IL1R2: variants seen among roughly 807,000 people sequenced by gnomAD.
IL1R2 encodes the protein interleukin-1 receptor type 2.
IL1R2 carries 46 observed loss-of-function variants against 39.5 expected under a neutral mutation model. The observed-to-expected ratio is 1.16, with a 90% CI of 0.92 to 1.49. The LOEUF is 1.49. Ranked by LOEUF, IL1R2 falls within the 40% of genes most tolerant of loss-of-function variation. The pLI, the probability that IL1R2 is intolerant of heterozygous loss-of-function variation, is 0.00. For synonymous variants in IL1R2, 207 were observed against 189.6 expected (o/e 1.09, Z -0.75); for missense variants, 537 against 502.0 (o/e 1.07, Z -0.67).
chr2:102,006,872 TC>T (rs1676298498), intron 1 of IL1R2, among the ~76,000 whole-genome samples: 1 of 152,210 alleles, frequency 6.6e-6, no homozygotes, highest in African/African-American at 2.4e-5. Context: ...GTGAGTTAGT[TC>T]CCAGTGTGGC....
intron 2 of IL1R2, among the ~76,000 whole-genome samples, chr2:102,009,077 GA>G (rs1230286416): frequency 1.3e-5 from 2 of 151,890 alleles, no homozygotes; most frequent in Non-Finnish European, 2.9e-5. Flanking sequence ...AAAAGAAAAG[GA>G]AAGAATGGTG....
chr2:101,992,087 A>G (rs190239615), intron 1 of IL1R2, 76 bp downstream of exon 1: 19 of 140,426 alleles, frequency 1.4e-4, no homozygotes, highest in East Asian at 2.2e-4. Flanking sequence ...GAGAGAGAGA[A>G]AGAGAGAGAG....
At chr2:102,007,394 G>A (rs374094381) in intron 1 of IL1R2, among the ~76,000 whole-genome samples, 21 of 152,298 alleles carry the variant, frequency 1.4e-4, no homozygotes, top group South Asian at 6.2e-4. Flanking sequence ...GAGTTAATCC[G>A]TAGGGGATAT....
chr2:102,016,924 C>T (rs1057498279), intron 4 of IL1R2, among the ~76,000 whole-genome samples: 3 of 152,042 alleles, frequency 2.0e-5, no homozygotes, highest in Non-Finnish European at 2.9e-5. Flanking sequence ...TTAAAAGGGC[C>T]GTAATTAATA....
Position 102,024,962 on chromosome 2 carries a change from G to A in IL1R2, c.887+294G>A. 2 of 352,024 alleles carry A rather than the reference G, an allele frequency of 5.7e-6. 1 individual carries two copies. Among genetic ancestry groups the A allele is most frequent in the South Asian group, 6.1e-5 (2 of 32,950 alleles). The allele number at this position is 352,024 out of a possible 1,614,324, so 21.8% of individuals were successfully genotyped here. Reference sequence around the variant, plus strand: ...TTTTCGCAAGTTAAAAAATATTTTGGAGTTCATATCTTTCCATTTTCCACT... The same window carrying A: ...TTTTCGCAAGTTAAAAAATATTTTGAAGTTCATATCTTTCCATTTTCCACT... On this transcript the variant is annotated intron_variant, in intron 7 of 8. Coordinates refer to ENST00000332549, the MANE Select transcript of IL1R2 (RefSeq NM_004633.4).
rs55723899 is a variant in IL1R2, at chr2:101,996,505, T to TTTTG, written c.-62+4494_-62+4495insTTTG. ...TCAGTGTTTTTTTTTTTTTTTTTTT[T>TTTTG]GGGGGGGAGAATGGCTGACTTCTTG... On this transcript the variant is annotated intron_variant, in intron 1 of 8. Transcript: ENST00000332549. Among the ~76,000 whole-genome samples the TTTTG allele has an allele frequency of 3.8e-3, 527 of 137,246 alleles. 3 individuals are homozygous for TTTTG. The highest frequency in any genetic ancestry group is 0.013 in the African/African-American group (465 of 34,702). 90.0% of individuals were successfully genotyped at this position (137,246 alleles called of 152,430 possible).
At chr2:102,003,735 C>T (rs1380324941) in intron 1 of IL1R2, among the ~76,000 whole-genome samples, 3 of 147,834 alleles carry the variant, frequency 2.0e-5, no homozygotes, top group Non-Finnish European at 4.5e-5. Context: ...CTGTCTGTGT[C>T]CCATGTCGGT....
chr2:102,000,790 G>A (rs1675819128), intron 1 of IL1R2, among the ~76,000 whole-genome samples: 1 of 152,166 alleles, frequency 6.6e-6, no homozygotes, highest in South Asian at 2.1e-4. Context: ...CCTTGGACAA[G>A]TGACTTAATG....
chr2:102,019,579 C>A, intron 4 of IL1R2, 59 bp from the exon 5 acceptor site: 1 of 1,173,104 alleles, frequency 8.5e-7, no homozygotes. Flanking sequence ...TGATGTAATT[C>A]ATAGCCTTTG....
At chr2:101,992,752 G>A (rs1218473971) in intron 1 of IL1R2, among the ~76,000 whole-genome samples, 4 of 152,170 alleles carry the variant, frequency 2.6e-5, no homozygotes, top group African/African-American at 7.2e-5. Context: ...CAGAGACAGA[G>A]AGAGAGAGAC....
intron 1 of IL1R2, among the ~76,000 whole-genome samples, 194 bp from the exon 2 acceptor site, chr2:102,008,321 C>A (rs1443186962): frequency 6.6e-6 from 1 of 152,172 alleles, no homozygotes; most frequent in East Asian, 1.9e-4. Context: ...TACAAGGATT[C>A]GACTTTAGAT....
At chr2:101,997,484 G>C (rs1032979789) in intron 1 of IL1R2, among the ~76,000 whole-genome samples, 3 of 152,174 alleles carry the variant, frequency 2.0e-5, no homozygotes, top group African/African-American at 7.2e-5. Context: ...TCAGGGCCTT[G>C]GGGAAGTGGT....
At position 102,012,537 on chromosome 2, in the gene IL1R2, CTGTG is replaced by C. The variant is rs140697767; in HGVS notation, c.332+2728_332+2731del. On this transcript the variant is annotated intron_variant, in intron 3 of 8. Transcript: ENST00000332549. ...GGAGATATGAGGTAGAGGGTGCCCTCTGTGTGTGTGTGTGTGTGTGCATGTGCGT... is the reference window on the plus strand; with the variant it reads ...GGAGATATGAGGTAGAGGGTGCCCTCTGTGTGTGTGTGTGTGCATGTGCGT... Among the ~76,000 whole-genome samples, 605 of 148,950 alleles carry C rather than the reference CTGTG, an allele frequency of 4.1e-3. 5 individuals are homozygous for C. The highest frequency in any genetic ancestry group is 0.014 in the African/African-American group (580 of 40,724).
chr2:102,003,200 G>C (rs1676023622), intron 1 of IL1R2, among the ~76,000 whole-genome samples: 1 of 147,472 alleles, frequency 6.8e-6, no homozygotes, highest in Non-Finnish European at 1.5e-5. Context: ...CTGTGTCTAT[G>C]TCTATGTCTA....
At chr2:102,004,576 G>T (rs1048772194) in intron 1 of IL1R2, among the ~76,000 whole-genome samples, 8 of 151,932 alleles carry the variant, frequency 5.3e-5, no homozygotes, top group Non-Finnish European at 1.0e-4. Context: ...CAGTAAGAAG[G>T]TCAACTCAGA....
chr2:102,008,399 G>T, intron 1 of IL1R2, 116 bp from the exon 2 acceptor site: 1 of 618,062 alleles, frequency 1.6e-6, no homozygotes, highest in Non-Finnish European at 2.9e-6. Flanking sequence ...AAACAGAGTA[G>T]GCCAAAAGGT....
intron 3 of IL1R2, 153 bp downstream of exon 3, chr2:102,009,979 C>G (rs964996808): frequency 2.5e-6 from 2 of 811,794 alleles, no homozygotes; most frequent in African/African-American, 1.7e-5. Flanking sequence ...TGACACCCCC[C>G]CCAACCCTAC....
intron 8 of IL1R2, among the ~76,000 whole-genome samples, chr2:102,027,853 C>T (rs1474682517): frequency 6.6e-6 from 1 of 152,218 alleles, no homozygotes; most frequent in African/African-American, 2.4e-5. Flanking sequence ...ATCCTCATGA[C>T]ACCCATGCTC....
At chr2:102,026,050 T>C in intron 7 of IL1R2, 61 bp from the exon 8 acceptor site, 1 of 1,352,642 alleles carries the variant, frequency 7.4e-7, no homozygotes, top group Non-Finnish European at 1.0e-6. Flanking sequence ...GATGTCTACA[T>C]TGTGAAAGAC....
Sources: gnomAD v4.1 joint callset for allele counts (sites outside exome capture counted in the v4.1 genomes callset) on GRCh38, gnomAD v4.1.1 for gene constraint, MANE v1.5 for transcripts, NCBI Gene and HGNC (gene_info 2026-07-23, HGNC 2026-07-21) for gene names.